TMEM132D: variants seen among roughly 807,000 people sequenced by gnomAD.
TMEM132D encodes the protein mature OL transmembrane protein.
A neutral mutation model predicts 62.3 loss-of-function variants in TMEM132D; 21 were observed. The observed-to-expected ratio is 0.34, with a 90% CI of 0.24 to 0.49. The LOEUF (loss-of-function observed/expected upper bound fraction) is 0.49, where lower values mean the gene tolerates loss of function less well. TMEM132D is among the 20% of genes least tolerant of loss of function. The pLI, the probability that TMEM132D is intolerant of heterozygous loss-of-function variation, is 0.99. For synonymous variants in TMEM132D, 621 were observed against 575.6 expected, an observed-to-expected ratio of 1.08 and a Z score of -1.13; for missense variants, 1,346 against 1,402.8, an observed-to-expected ratio of 0.96 and a Z score of 0.65.
At chr12:129,797,976 G>A (rs1593165604) in intron 1 of TMEM132D, among the ~76,000 whole-genome samples, 1 of 152,294 alleles carries the variant, frequency 6.6e-6, no homozygotes, top group East Asian at 1.9e-4. Context: ...CTTATGAATG[G>A]TTAGTACCAT....
chr12:129,708,604 C>T lies in TMEM132D; in HGVS notation c.80-7906G>A, dbSNP rs1160232996. On this transcript the variant is annotated intron_variant, in intron 1 of 8. Coordinates refer to ENST00000422113, the MANE Select transcript of TMEM132D (RefSeq NM_133448.3). ...ACCAAGTGTCCACTCCAAGTAGAGG[C>T]TCAGGTAAAAAAAAAAAAAAAAAAA... is the stretch of plus-strand genomic sequence containing the variant. Among the ~76,000 whole-genome samples, 3 of 87,578 alleles carry T rather than the reference C, an allele frequency of 3.4e-5. No individual in the cohort carries two copies. In the East Asian group the frequency reaches 1.1e-3, roughly 32 times the overall value. The allele number at this position is 87,578 out of a possible 152,430, so 57.5% of individuals were successfully genotyped here. A position where few individuals can be genotyped will look rare whatever the true frequency, so the allele number is the denominator to read the frequency against.
At chr12:129,101,331 A>C (rs1165141440) in intron 5 of TMEM132D, among the ~76,000 whole-genome samples, 4 of 152,214 alleles carry the variant, frequency 2.6e-5, no homozygotes, top group Admixed American at 1.3e-4. Flanking sequence ...TCATGCCGCC[A>C]ACCCAAAGTC....
chr12:129,487,032 G>T (rs74540572), intron 3 of TMEM132D, among the ~76,000 whole-genome samples: 13 of 107,520 alleles, frequency 1.2e-4, no homozygotes, highest in East Asian at 7.6e-4. Context: ...GTTTGCGTAT[G>T]GGGGGGGGGG....
At chr12:129,533,864 A>C (rs1409476555) in intron 2 of TMEM132D, among the ~76,000 whole-genome samples, 2 of 152,258 alleles carry the variant, frequency 1.3e-5, no homozygotes, top group Non-Finnish European at 2.9e-5. Context: ...TTAGATGTTC[A>C]GAATTGAAGA....
At chr12:129,513,804 T>TTA (rs1555262102) in intron 3 of TMEM132D, among the ~76,000 whole-genome samples, 1 of 133,992 alleles carries the variant, frequency 7.5e-6, no homozygotes, top group African/African-American at 2.8e-5. Context: ...CAATTTTTAT[T>TTA]TTTATTTATT....
intron 3 of TMEM132D, among the ~76,000 whole-genome samples, chr12:129,398,147 CT>C (rs1238059328): frequency 3.3e-5 from 5 of 152,200 alleles, no homozygotes; most frequent in Non-Finnish European, 7.3e-5. Context: ...ACCTCTGACA[CT>C]TTTGGCTGCA....
chr12:129,624,074 T>C (rs1879149717), intron 2 of TMEM132D, among the ~76,000 whole-genome samples: 1 of 152,154 alleles, frequency 6.6e-6, no homozygotes, highest in South Asian at 2.1e-4. Context: ...AGTGACTTAG[T>C]CATATCCCCT....
rs889200498 is a variant in TMEM132D, at chr12:129,645,719, G to C, written c.968+54091C>G. Among the ~76,000 whole-genome samples, 6 of 152,294 alleles carry C rather than the reference G, an allele frequency of 3.9e-5. No homozygotes were observed. In the East Asian group the frequency reaches 1.2e-3, roughly 29 times the overall value. On this transcript the variant is annotated intron_variant, in intron 2 of 8. Transcript: ENST00000422113. ...CAGTCAGAAGACCCCATTGATAAAAGAGGATGCAATAGAGAAGCCAGGCCA... is the reference window on the plus strand; with the variant it reads ...CAGTCAGAAGACCCCATTGATAAAACAGGATGCAATAGAGAAGCCAGGCCA...
chr12:129,792,422 G>A (rs889308422), intron 1 of TMEM132D, among the ~76,000 whole-genome samples: 30 of 152,150 alleles, frequency 2.0e-4, no homozygotes, highest in African/African-American at 6.3e-4. Context: ...TATTAAATAA[G>A]CATGGGAGAG....
At chr12:129,141,062 T>G (rs537484791) in intron 5 of TMEM132D, among the ~76,000 whole-genome samples, 16 of 152,300 alleles carry the variant, frequency 1.1e-4, no homozygotes, top group African/African-American at 3.8e-4. Flanking sequence ...ACACTATAGA[T>G]GATCCTGAAG....
chr12:129,678,179 A>T (rs1880685374), intron 2 of TMEM132D, among the ~76,000 whole-genome samples: 1 of 152,128 alleles, frequency 6.6e-6, no homozygotes, highest in Admixed American at 6.5e-5. Context: ...TCTCTCAGAC[A>T]CCTTAGAAGT....
At chr12:129,890,949 C>G (rs1234395314) in intron 1 of TMEM132D, among the ~76,000 whole-genome samples, 1 of 152,176 alleles carries the variant, frequency 6.6e-6, no homozygotes, top group Admixed American at 6.5e-5. Context: ...ATTAAGGCAG[C>G]AGGGGCCTCC....
intron 5 of TMEM132D, among the ~76,000 whole-genome samples, chr12:129,134,480 T>G (rs7979382): frequency 0.68 from 103,633 of 151,986 alleles, 36,190 homozygotes; most frequent in Non-Finnish European, 0.76. Context: ...TCAAGAGAAG[T>G]TTTATTCATT....
intron 2 of TMEM132D, among the ~76,000 whole-genome samples, chr12:129,656,691 G>C (rs2137187963): frequency 6.6e-6 from 1 of 152,292 alleles, no homozygotes; most frequent in African/African-American, 2.4e-5. Flanking sequence ...TGAAAGCCTG[G>C]TATTGAACAA....
At chr12:129,839,117 A>ATTTTTT (rs71085578) in intron 1 of TMEM132D, among the ~76,000 whole-genome samples, 406 of 20,700 alleles carry the variant, frequency 0.02, 139 homozygotes, top group African/African-American at 0.052. Flanking sequence ...CGCCTGGCTA[A>ATTTTTT]TTTTTTTTTT....
chr12:129,257,159 A>T (rs1260744270), intron 4 of TMEM132D, among the ~76,000 whole-genome samples: 1 of 151,440 alleles, frequency 6.6e-6, no homozygotes, highest in Non-Finnish European at 1.5e-5. Flanking sequence ...TGATCATGGA[A>T]GTGGGAAGCA....
Position 129,789,426 on chromosome 12 carries a change from G to A in TMEM132D, c.80-88728C>T, listed in dbSNP as rs573976846. ...TTATGTGAAAAAGATACTTACACAC[G>A]CACGTTTATAGCAGCACAATTTGCA... On this transcript the variant is annotated intron_variant, in intron 1 of 8. Transcript: ENST00000422113. Among the ~76,000 whole-genome samples the A allele has an allele frequency of 7.2e-4, 109 of 152,252 alleles. 1 individual carries two copies. Among genetic ancestry groups the A allele is most frequent in the Middle Eastern group, 6.8e-3 (2 of 294 alleles).
chr12:129,222,103 C>A (rs1879363179), intron 4 of TMEM132D, among the ~76,000 whole-genome samples: 5 of 152,050 alleles, frequency 3.3e-5, no homozygotes, highest in Admixed American at 3.3e-4. Context: ...TTGGCACTCA[C>A]ACTAAAATGA....
rs58976094 is a variant in TMEM132D at position 129,732,439 on chromosome 12, T to G, written c.80-31741A>C. 7.0e-3 allele frequency among the ~76,000 whole-genome samples: 1,064 copies of G among 152,294 alleles called. 11 individuals carry two copies. Among genetic ancestry groups the G allele is most frequent in the African/African-American group, 0.025 (1,029 of 41,566 alleles). ...ATTGGCATCCCCAGTGCTGGAGGTATGACCTGGTGAGAGGTGTTTGAATCA... is the reference window on the plus strand; with the variant it reads ...ATTGGCATCCCCAGTGCTGGAGGTAGGACCTGGTGAGAGGTGTTTGAATCA... On this transcript the variant is annotated intron_variant, in intron 1 of 8. Coordinates refer to ENST00000422113, the MANE Select transcript of TMEM132D (RefSeq NM_133448.3).
Sources: gnomAD v4.1 joint callset for allele counts (sites outside exome capture counted in the v4.1 genomes callset) on GRCh38, gnomAD v4.1.1 for gene constraint, MANE v1.5 for transcripts, NCBI Gene and HGNC (gene_info 2026-07-23, HGNC 2026-07-21) for gene names.